The following PCDH15 variants were observed in gnomAD, a reference collection of about 807,000 sequenced individuals.
PCDH15 encodes protocadherin-15.
A neutral mutation model predicts 178.5 loss-of-function variants in PCDH15; 129 were observed. The ratio of observed to expected loss-of-function variants is 0.72; its 90% CI spans 0.63 to 0.84. The LOEUF (loss-of-function observed/expected upper bound fraction) is 0.84, where lower values mean the gene tolerates loss of function less well. Among genes scored for constraint, PCDH15 ranks in the 40% least tolerant of loss-of-function variants. The pLI is 0.00. For synonymous variants in PCDH15, 800 were observed against 732.0 expected, an observed-to-expected ratio of 1.09 and a Z score of -1.50; for missense variants, 2,230 against 2,099.9, an observed-to-expected ratio of 1.06 and a Z score of -1.21.
At chr10:54,041,683 T>C (rs1328713582) in intron 18 of PCDH15, among the ~76,000 whole-genome samples, 1 of 152,040 alleles carries the variant, frequency 6.6e-6, no homozygotes, top group Admixed American at 6.6e-5. Context: ...ATGGACATTA[T>C]GAAAAAGTAA....
intron 3 of PCDH15, among the ~76,000 whole-genome samples, chr10:54,890,662 G>A (rs1367189101): frequency 3.3e-5 from 5 of 151,960 alleles, no homozygotes; most frequent in African/African-American, 1.2e-4. Flanking sequence ...GAGATCATTA[G>A]CTAGGTAGAG....
chr10:54,082,132 T>C (rs1448391906), intron 16 of PCDH15, among the ~76,000 whole-genome samples: 1 of 152,174 alleles, frequency 6.6e-6, no homozygotes, highest in African/African-American at 2.4e-5. Flanking sequence ...GGGAGCGAGC[T>C]ATCCTTATTC....
At chr10:53,879,275 C>T (rs2080514830) in intron 26 of PCDH15, among the ~76,000 whole-genome samples, 1 of 152,084 alleles carries the variant, frequency 6.6e-6, no homozygotes, top group African/African-American at 2.4e-5. Context: ...ATAAATCTGC[C>T]ACTGAGGAAA....
At position 53,938,896 on chromosome 10, in the gene PCDH15, C is replaced by T; in HGVS notation, c.3292G>A (p.Glu1098Lys). The T allele has an allele frequency of 6.2e-7, 1 of 1,613,500 alleles. No individual in the cohort carries two copies. Among genetic ancestry groups the T allele is most frequent in the South Asian group, 1.1e-5 (1 of 91,070 alleles). Residue 1098 changes from glutamate to lysine, a missense_variant, in exon 25 of 38, where the codon GAG becomes AAG. By Grantham distance (56) the Glu-to-Lys change is moderately conservative. Coordinates refer to ENST00000644397, the MANE Select transcript of PCDH15 (RefSeq NM_001384140.1). ...CGAAGTACATAGCTTGTCCTGGTCT[C>T]ATAATCCAGAGGTCCATTCACATAG... ...VIYVNGPLDY[E>K]TRTSYVLRVQ...
chr10:55,290,782 G>A (rs1488451428), intron 1 of PCDH15, among the ~76,000 whole-genome samples: 2 of 151,664 alleles, frequency 1.3e-5, no homozygotes, highest in African/African-American at 4.8e-5. Flanking sequence ...CCATGGAAAT[G>A]AAAAATATAG....
At chr10:55,298,082 G>A (rs1488033812) in intron 1 of PCDH15, among the ~76,000 whole-genome samples, 4 of 152,124 alleles carry the variant, frequency 2.6e-5, no homozygotes, top group Admixed American at 6.5e-5. Context: ...CAGAGCTCCC[G>A]GACAGATTTC....
At chr10:55,495,191 A>G (rs574535751) in intron 2 of PCDH15, among the ~76,000 whole-genome samples, 1 of 151,892 alleles carries the variant, frequency 6.6e-6, no homozygotes, top group African/African-American at 2.4e-5. Flanking sequence ...GCCTTGGATT[A>G]GCCAATGATT....
At chr10:54,853,117 G>A (rs894012465) in intron 3 of PCDH15, among the ~76,000 whole-genome samples, 2 of 149,910 alleles carry the variant, frequency 1.3e-5, no homozygotes, top group African/African-American at 4.9e-5. Context: ...AAAAGTAGCT[G>A]GGCATGGTGG....
chr10:54,442,646 A>G (rs2075901185), intron 3 of PCDH15, among the ~76,000 whole-genome samples: 1 of 150,466 alleles, frequency 6.6e-6, no homozygotes, highest in African/African-American at 2.4e-5. Flanking sequence ...AAGAAAAGAA[A>G]TATTTATTTA....
At chr10:54,741,831 T>A (rs1454369771) in intron 1 of PCDH15, among the ~76,000 whole-genome samples, 3 of 152,010 alleles carry the variant, frequency 2.0e-5, no homozygotes, top group African/African-American at 7.2e-5. Flanking sequence ...CCATTGTGAT[T>A]ATATTGGACC....
chr10:54,166,713 CCT>C (rs2046268505), intron 13 of PCDH15, among the ~76,000 whole-genome samples: 1 of 152,194 alleles, frequency 6.6e-6, no homozygotes, highest in Non-Finnish European at 1.5e-5. Context: ...CATCGCATCC[CCT>C]GTGACTTGCA....
intron 2 of PCDH15, among the ~76,000 whole-genome samples, chr10:55,046,242 G>A (rs990007383): frequency 2.6e-5 from 4 of 151,958 alleles, no homozygotes; most frequent in Admixed American, 2.6e-4. Flanking sequence ...ACCTGCTTGT[G>A]AGGAAAATTG....
chr10:55,308,919 C>T (rs1843502095), intron 1 of PCDH15, among the ~76,000 whole-genome samples: 1 of 152,114 alleles, frequency 6.6e-6, no homozygotes, highest in Admixed American at 6.5e-5. Flanking sequence ...GCAAGGAAAG[C>T]AATATATTTA....
At chr10:55,273,877 T>C (rs1326473148) in intron 1 of PCDH15, among the ~76,000 whole-genome samples, 1 of 152,118 alleles carries the variant, frequency 6.6e-6, no homozygotes, top group East Asian at 1.9e-4. Context: ...TTGGAAAGTA[T>C]AAGAATCCAG....
chr10:55,162,790 A>C (rs1839098570), intron 2 of PCDH15, among the ~76,000 whole-genome samples: 1 of 152,136 alleles, frequency 6.6e-6, no homozygotes, highest in Non-Finnish European at 1.5e-5. Flanking sequence ...AGCATGATGC[A>C]GTAGAACCTA....
chr10:54,978,136 G>A (rs1839124071), intron 2 of PCDH15, among the ~76,000 whole-genome samples: 1 of 152,098 alleles, frequency 6.6e-6, no homozygotes, highest in Non-Finnish European at 1.5e-5. Context: ...CTAAATGCAT[G>A]AAATAATAAT....
intron 26 of PCDH15, among the ~76,000 whole-genome samples, chr10:53,871,451 CGTGTGTGTGTGT>C (rs71461208): frequency 4.8e-5 from 7 of 146,804 alleles, no homozygotes; most frequent in African/African-American, 1.5e-4. Context: ...TATATTCATA[CGTGTGTGTGTGT>C]GTGTGTGTGT....
chr10:53,906,369 G>C (rs1425888787), intron 25 of PCDH15, among the ~76,000 whole-genome samples: 2 of 151,806 alleles, frequency 1.3e-5, no homozygotes, highest in Non-Finnish European at 2.9e-5. Flanking sequence ...CCAGAGCTTG[G>C]TTTACATTGC....
chr10:54,422,917 T>G (rs1273332518), intron 3 of PCDH15, among the ~76,000 whole-genome samples: 8 of 152,134 alleles, frequency 5.3e-5, no homozygotes, highest in Admixed American at 4.6e-4. Flanking sequence ...GAAAACGTAT[T>G]AAGCAGCAAC....
Sources: allele counts gnomAD v4.1 joint callset (sites outside exome capture counted in the v4.1 genomes callset), GRCh38; gene constraint gnomAD v4.1.1; transcripts MANE v1.5; gene names NCBI Gene and HGNC (gene_info 2026-07-23, HGNC 2026-07-21).